HEATR5B: variants seen among roughly 807,000 people sequenced by gnomAD.
HEATR5B encodes the protein HEAT repeat containing 5B, also known as HEAT repeat-containing protein 5B.
A neutral mutation model predicts 224.1 loss-of-function variants in HEATR5B; 156 were observed. The observed-to-expected ratio is 0.70, with a 90% CI of 0.61 to 0.80. The LOEUF is 0.80. Among genes scored for constraint, HEATR5B ranks in the 30% least tolerant of loss-of-function variants. HEATR5B has a pLI of 0.00. For synonymous variants in HEATR5B, 1,027 were observed against 893.0 expected, an observed-to-expected ratio of 1.15 and a Z score of -2.68; for missense variants, 2,323 against 2,535.5, an observed-to-expected ratio of 0.92 and a Z score of 1.80.
rs146847046 is a variant in HEATR5B, at chr2:37,004,489, T to C, written c.4906-803A>G. On this transcript the variant is annotated intron_variant, in intron 30 of 35. Coordinates refer to ENST00000233099, the MANE Select transcript of HEATR5B (RefSeq NM_019024.3). ...TCCAGATCCTTTTATCTACCCTATG[T>C]CCTCCTCTATGTATCTGGCTCCTTC... Among the ~76,000 whole-genome samples the C allele has an allele frequency of 1.7e-4, 26 of 151,836 alleles. No individual in the cohort carries two copies. In the East Asian group the frequency reaches 4.5e-3, roughly 26 times the overall value.
intron 35 of HEATR5B, among the ~76,000 whole-genome samples, chr2:36,984,215 A>AAAAAAAAAAAAAAAAAAAAAT: frequency 2.6e-5 from 2 of 77,644 alleles, no homozygotes; most frequent in African/African-American, 1.2e-4. Context: ...AAAAAAAAAA[A>AAAAAAAAAAAAAAAAAAAAAT]ATATATATAT....
intron 27 of HEATR5B, among the ~76,000 whole-genome samples, chr2:37,009,086 T>A (rs1667619450): frequency 6.6e-6 from 1 of 151,510 alleles, no homozygotes; most frequent in Admixed American, 6.6e-5. Context: ...AGTGAAACCC[T>A]GTCTCTACGA....
At chr2:37,030,207 A>AC (rs1669039140) in intron 22 of HEATR5B, among the ~76,000 whole-genome samples, 1 of 152,124 alleles carries the variant, frequency 6.6e-6, no homozygotes, top group South Asian at 2.1e-4. Context: ...TTGTTGTGTC[A>AC]CCCCAAATAC....
intron 3 of HEATR5B, among the ~76,000 whole-genome samples, chr2:37,077,290 G>C (rs1246285589): frequency 6.6e-6 from 1 of 151,902 alleles, no homozygotes; most frequent in Non-Finnish European, 1.5e-5. Flanking sequence ...CCCATTCTTT[G>C]GGAAGAAATC....
At chr2:37,021,849 T>A (rs1054494878) in intron 24 of HEATR5B, among the ~76,000 whole-genome samples, 4 of 146,948 alleles carry the variant, frequency 2.7e-5, no homozygotes, top group Non-Finnish European at 5.9e-5. Flanking sequence ...ATCACGCAAC[T>A]GCACTCCAGC....
intron 11 of HEATR5B, among the ~76,000 whole-genome samples, chr2:37,061,156 A>G (rs1671257785): frequency 6.6e-6 from 1 of 152,192 alleles, no homozygotes; most frequent in Admixed American, 6.6e-5. Context: ...ACATACAGAT[A>G]CATATTCCTT....
chr2:37,035,376 T>C (rs890668477), intron 21 of HEATR5B, among the ~76,000 whole-genome samples: 2 of 152,230 alleles, frequency 1.3e-5, no homozygotes, highest in African/African-American at 4.8e-5. Context: ...GTAAGTTATA[T>C]GACTGTGTAT....
chr2:37,037,963 T>C lies in HEATR5B; in HGVS notation c.3108A>G (p.Gln1036=), dbSNP rs2148490158. ...CCTGAACAAGAGAATCTGAATGGTC[T>C]TGTGTTATTGCACAACCCACCAAAC... is the stretch of plus-strand genomic sequence containing the variant. ...SSCLVGCAIT[Q]DHSDSLVQAA... is the part of the protein sequence containing the mutation. Residue 1036 remains glutamine, a synonymous_variant, in exon 21 of 36, where the codon CAA becomes CAG. Transcript: ENST00000233099. The C allele has an allele frequency of 6.2e-7, 1 of 1,600,258 alleles. No homozygotes were observed. The highest frequency in any genetic ancestry group is 1.1e-5 in the South Asian group (1 of 88,862).
At chr2:37,052,152 CATTTT>C (rs1670598508) in intron 17 of HEATR5B, among the ~76,000 whole-genome samples, 2 of 152,116 alleles carry the variant, frequency 1.3e-5, no homozygotes, top group Admixed American at 6.5e-5. Context: ...TATTTGCTAC[CATTTT>C]ATTTTAAAAT....
intron 3 of HEATR5B, among the ~76,000 whole-genome samples, chr2:37,077,692 T>G (rs960278452): frequency 3.9e-5 from 6 of 152,264 alleles, no homozygotes; most frequent in Admixed American, 2.6e-4. Flanking sequence ...TAACACTTAA[T>G]GTCAATCACT....
intron 35 of HEATR5B, among the ~76,000 whole-genome samples, chr2:36,987,420 C>CAAAA (rs369088419): frequency 2.7e-5 from 3 of 112,988 alleles, no homozygotes; most frequent in African/African-American, 6.3e-5. Flanking sequence ...GACTTTGTTT[C>CAAAA]AAAAAAAAAA....
chr2:37,064,860 T>C lies in HEATR5B; in HGVS notation c.1464A>G (p.Ala488=). ...FQLTPFLDRC[A]ERLNNLKTSP... is the part of the protein sequence containing the mutation. ...AGGTCTTCAAGTTGTTGAGCCGTTC[T>C]GCACACCTGTCTAGAAATGGTGTCA... The change falls in exon 10 of 36, where the codon GCA becomes GCG. Residue 488 remains alanine, a synonymous_variant. Transcript: ENST00000233099. The C allele has an allele frequency of 6.2e-7, 1 of 1,614,146 alleles. No individual in the cohort carries two copies. The highest frequency in any genetic ancestry group is 1.1e-5 in the South Asian group (1 of 91,080).
chr2:36,994,592 T>TC (rs2148348008), intron 33 of HEATR5B, among the ~76,000 whole-genome samples: 1 of 152,292 alleles, frequency 6.6e-6, no homozygotes, highest in East Asian at 1.9e-4. Flanking sequence ...CCAGACAGAA[T>TC]ACCTCAGGCA....
At chr2:37,047,032 C>T (rs1460118260) in intron 18 of HEATR5B, among the ~76,000 whole-genome samples, 2 of 98,860 alleles carry the variant, frequency 2.0e-5, no homozygotes, top group Non-Finnish European at 3.9e-5. Context: ...CCAGACTCCA[C>T]CTCAAAAAAA....
At chr2:37,013,599 G>C (rs543038624) in intron 27 of HEATR5B, among the ~76,000 whole-genome samples, 1 of 152,004 alleles carries the variant, frequency 6.6e-6, no homozygotes. Context: ...AAAGATTTTT[G>C]GCATAAAATA....
At chr2:36,984,850 TA>T (rs1343875767) in intron 35 of HEATR5B, among the ~76,000 whole-genome samples, 3 of 152,298 alleles carry the variant, frequency 2.0e-5, no homozygotes, top group African/African-American at 4.8e-5. Context: ...GGAAAACTAT[TA>T]TAGTTATCTA....
chr2:37,031,792 A>G lies in HEATR5B; in HGVS notation c.3361+837T>C, dbSNP rs561685880. Among the ~76,000 whole-genome samples the G allele has an allele frequency of 7.2e-5, 11 of 152,304 alleles. No individual in the cohort carries two copies. The East Asian group carries it at 1.7e-3, about 24-fold the overall frequency. The stretch of plus-strand genomic sequence containing the variant: ...AGCTTCTAGGCATTAGAAAACTTTT[A>G]TAAGTAAAAAATTTCCCTCATAATA... On this transcript the variant is annotated intron_variant, in intron 22 of 35. Transcript: ENST00000233099.
rs966226227 is a variant in HEATR5B at position 37,060,838 on chromosome 2, G to T, written c.1697-105C>A. 3.6e-6 allele frequency: 3 copies of T among 843,178 alleles called. No homozygotes were observed. The South Asian group carries it at 6.3e-5, about 18-fold the overall frequency. 52.2% of individuals were successfully genotyped at this position (843,178 alleles called of 1,614,324 possible). A position where few individuals can be genotyped will look rare whatever the true frequency, so the allele number is the denominator to read the frequency against. ...ACAAACTTTATGTAATTTTAGAGAT[G>T]AAAATAGAGTAAAATACTGATGTTT... On this transcript the variant is annotated intron_variant, in intron 11 of 35. Transcript: ENST00000233099.
chr2:37,018,338 C>G (rs747322448), intron 26 of HEATR5B, among the ~76,000 whole-genome samples: 1 of 152,174 alleles, frequency 6.6e-6, no homozygotes, highest in Non-Finnish European at 1.5e-5. Context: ...ATGCTGTGCT[C>G]TGAAACGTCA....
Sources: gnomAD v4.1 joint callset for allele counts (sites outside exome capture counted in the v4.1 genomes callset) on GRCh38, gnomAD v4.1.1 for gene constraint, MANE v1.5 for transcripts, NCBI Gene and HGNC (gene_info 2026-07-23, HGNC 2026-07-21) for gene names.